The following PSPC1 variants were observed in gnomAD, a reference collection of about 807,000 sequenced individuals.
The protein encoded by PSPC1 is paraspeckle protein 1.
PSPC1 carries 14 observed loss-of-function variants against 51.6 expected under a neutral mutation model. The ratio of observed to expected loss-of-function variants is 0.27; its 90% CI spans 0.18 to 0.42. The LOEUF (loss-of-function observed/expected upper bound fraction) is 0.42, where lower values mean the gene tolerates loss of function less well. Among genes scored for constraint, PSPC1 ranks in the 10% least tolerant of loss-of-function variants. The pLI is 1.00. For missense variants in PSPC1, 406 were observed against 701.1 expected (o/e 0.58, Z 4.75); for synonymous variants, 193 against 231.9 (o/e 0.83, Z 1.53).
intron 6 of PSPC1, among the ~76,000 whole-genome samples, chr13:19,711,375 G>A (rs1256067034): frequency 6.6e-6 from 1 of 152,002 alleles, no homozygotes; most frequent in Non-Finnish European, 1.5e-5. Flanking sequence ...GGTGGCTCAC[G>A]CCTGTAATCC....
intron 6 of PSPC1, 55 bp from the exon 7 acceptor site, chr13:19,709,654 T>C: frequency 7.7e-7 from 1 of 1,301,860 alleles, no homozygotes; most frequent in Non-Finnish European, 1.1e-6. Context: ...ACTTTACATT[T>C]CCCATCTAAA....
chr13:19,724,868 G>A (rs888995325), intron 6 of PSPC1, among the ~76,000 whole-genome samples: 29 of 152,072 alleles, frequency 1.9e-4, no homozygotes, highest in Non-Finnish European at 3.1e-4. Context: ...GCGTGGTGGC[G>A]CACGCCTGTA....
intron 4 of PSPC1, among the ~76,000 whole-genome samples, chr13:19,745,094 G>T (rs1320167802): frequency 6.6e-6 from 1 of 152,074 alleles, no homozygotes. Context: ...GAGGCGGGTG[G>T]ATCACTTGAG....
chr13:19,766,712 G>A (rs1196994548), intron 2 of PSPC1, among the ~76,000 whole-genome samples: 1 of 151,794 alleles, frequency 6.6e-6, no homozygotes, highest in Admixed American at 6.6e-5. Context: ...TTAGTTAACT[G>A]GGTGTGGTGG....
At chr13:19,749,772 C>G (rs1886353132) in intron 4 of PSPC1, among the ~76,000 whole-genome samples, 1 of 151,722 alleles carries the variant, frequency 6.6e-6, no homozygotes. Flanking sequence ...GCTGGGATTA[C>G]AGGCGCCCGC....
At chr13:19,722,864 C>T (rs1293294562) in intron 6 of PSPC1, among the ~76,000 whole-genome samples, 1 of 152,100 alleles carries the variant, frequency 6.6e-6, no homozygotes, top group Non-Finnish European at 1.5e-5. Context: ...AATCCCAGCA[C>T]TTTGGGAGGC....
intron 7 of PSPC1, among the ~76,000 whole-genome samples, chr13:19,676,919 G>A (rs1171088662): frequency 1.3e-5 from 2 of 152,142 alleles, no homozygotes; most frequent in African/African-American, 4.8e-5. Flanking sequence ...CAGAGGAGGA[G>A]GAATGGATCC....
At chr13:19,760,903 G>A (rs962357367) in intron 2 of PSPC1, among the ~76,000 whole-genome samples, 7 of 151,844 alleles carry the variant, frequency 4.6e-5, no homozygotes, top group Admixed American at 1.3e-4. Context: ...CAGGAGAATC[G>A]CTTGAATCCG....
intron 6 of PSPC1, among the ~76,000 whole-genome samples, chr13:19,692,541 A>T (rs940066971): frequency 4.6e-5 from 7 of 152,188 alleles, no homozygotes; most frequent in African/African-American, 1.7e-4. Context: ...GTGAGATAAT[A>T]TATTTACCAG....
At chr13:19,762,417 AG>A (rs1370107609) in intron 2 of PSPC1, among the ~76,000 whole-genome samples, 1 of 151,744 alleles carries the variant, frequency 6.6e-6, no homozygotes, top group African/African-American at 2.4e-5. Context: ...AAAATTAGCC[AG>A]GCGTGGTGGC....
intron 2 of PSPC1, among the ~76,000 whole-genome samples, chr13:19,768,558 G>A (rs1196048235): frequency 6.6e-6 from 1 of 150,542 alleles, no homozygotes; most frequent in African/African-American, 2.5e-5. Flanking sequence ...TGAGGCAGGA[G>A]AATGGCGTGA....
downstream of PSPC1, among the ~76,000 whole-genome samples, chr13:19,673,866 G>A (rs1411169226): frequency 6.6e-6 from 1 of 152,214 alleles, no homozygotes; most frequent in East Asian, 1.9e-4. Flanking sequence ...ATAACATTTA[G>A]AAGTACAGGT....
At chr13:19,698,985 A>G (rs1193648990), downstream of PSPC1, among the ~76,000 whole-genome samples, 3 of 151,938 alleles carry the variant, frequency 2.0e-5, no homozygotes, top group Non-Finnish European at 2.9e-5. Flanking sequence ...AAGTTTCAAC[A>G]AAGAGGAACC....
chr13:19,722,750 C>T (rs750148913), intron 6 of PSPC1, among the ~76,000 whole-genome samples: 9 of 151,948 alleles, frequency 5.9e-5, no homozygotes, highest in East Asian at 1.9e-4. Flanking sequence ...GCTGAGATCG[C>T]GCCACTGTAC....
At chr13:19,671,894 G>A, downstream of PSPC1, 5 of 1,612,886 alleles carry the variant, frequency 3.1e-6, no homozygotes, top group Non-Finnish European at 4.2e-6. Context: ...AAGGGACTGG[G>A]CGGAGTTCTC....
intron 1 of PSPC1, among the ~76,000 whole-genome samples, chr13:19,775,504 C>T (rs1048927705): frequency 6.6e-6 from 1 of 152,074 alleles, no homozygotes; most frequent in Non-Finnish European, 1.5e-5. Flanking sequence ...AAAAACAATG[C>T]CATTTTTACA....
At chr13:19,673,300 T>G (rs1876260655), downstream of PSPC1, 2 of 358,138 alleles carry the variant, frequency 5.6e-6, no homozygotes, top group Non-Finnish European at 5.5e-6. Context: ...TTGTTCCTCA[T>G]TAGTTTATAA....
intron 2 of PSPC1, among the ~76,000 whole-genome samples, chr13:19,769,912 T>A (rs1259352570): frequency 6.6e-6 from 1 of 152,090 alleles, no homozygotes; most frequent in Non-Finnish European, 1.5e-5. Context: ...CATACAGCAA[T>A]TTACCCCTAA....
chr13:19,673,211 T>C (rs76594897), downstream of PSPC1: 1 of 431,284 alleles, frequency 2.3e-6, no homozygotes. Flanking sequence ...GCCACCACCC[T>C]CTCTGGGAAG....
Sources: allele counts gnomAD v4.1 joint callset (sites outside exome capture counted in the v4.1 genomes callset), GRCh38; gene constraint gnomAD v4.1.1; transcripts MANE v1.5; gene names NCBI Gene and HGNC (gene_info 2026-07-23, HGNC 2026-07-21).